Variants in DLG2 observed in about 807,000 individuals in gnomAD.
DLG2 encodes the protein disks large homolog 2.
A neutral mutation model predicts 132.5 loss-of-function variants in DLG2; 45 were observed. The ratio of observed to expected loss-of-function variants is 0.34; its 90% CI spans 0.27 to 0.44. The LOEUF (loss-of-function observed/expected upper bound fraction) is 0.44, where lower values mean the gene tolerates loss of function less well. DLG2 is among the 20% of genes least tolerant of loss of function. DLG2 has a pLI of 1.00. For missense variants in DLG2, 1,045 were observed against 1,196.9 expected (o/e 0.87, Z 1.87); for synonymous variants, 424 against 419.6 (o/e 1.01, Z -0.13).
chr11:85,409,737 C>T (rs760846063), intron 3 of DLG2, among the ~76,000 whole-genome samples: 6 of 151,778 alleles, frequency 4.0e-5, no homozygotes, highest in Non-Finnish European at 5.9e-5. Context: ...GGTTCTGACA[C>T]AGCTATTTGA....
chr11:84,516,893 C>A (rs1003405393), intron 7 of DLG2, among the ~76,000 whole-genome samples: 2 of 150,052 alleles, frequency 1.3e-5, no homozygotes, highest in African/African-American at 4.9e-5. Flanking sequence ...TGGTCTTGAT[C>A]ATGTACTTAT....
intron 7 of DLG2, among the ~76,000 whole-genome samples, chr11:84,385,962 G>A (rs555728075): frequency 7.8e-4 from 118 of 152,148 alleles, no homozygotes; most frequent in Non-Finnish European, 1.4e-3. Context: ...TAACCAATGC[G>A]TACCCCTAAG....
chr11:84,239,250 G>A (rs1483341127), intron 8 of DLG2, among the ~76,000 whole-genome samples: 1 of 151,130 alleles, frequency 6.6e-6, no homozygotes, highest in African/African-American at 2.4e-5. Flanking sequence ...GTGTGATCTC[G>A]GCTCACTGCA....
chr11:83,695,185 T>C (rs2081669995), intron 18 of DLG2, among the ~76,000 whole-genome samples: 1 of 152,226 alleles, frequency 6.6e-6, no homozygotes, highest in Non-Finnish European at 1.5e-5. Context: ...GGAAGCTATA[T>C]TTATTCCAGA....
chr11:84,173,539 C>CTTT, intron 8 of DLG2, among the ~76,000 whole-genome samples: 1 of 152,154 alleles, frequency 6.6e-6, no homozygotes, highest in African/African-American at 2.4e-5. Flanking sequence ...GAAATAAAAA[C>CTTT]TGGGTGCTAA....
At chr11:85,554,286 G>A (rs2076819674) in intron 3 of DLG2, among the ~76,000 whole-genome samples, 1 of 151,588 alleles carries the variant, frequency 6.6e-6, no homozygotes, top group Non-Finnish European at 1.5e-5. Context: ...AAAAATATTA[G>A]AGAAAATAAT....
intron 6 of DLG2, among the ~76,000 whole-genome samples, chr11:85,084,823 C>A (rs2067694988): frequency 1.3e-5 from 2 of 152,134 alleles, no homozygotes; most frequent in South Asian, 4.1e-4. Flanking sequence ...ATGCTTAGCA[C>A]ATAGTTGTAC....
chr11:85,152,878 T>C (rs2152456657), intron 5 of DLG2, among the ~76,000 whole-genome samples: 1 of 152,314 alleles, frequency 6.6e-6, no homozygotes, highest in East Asian at 1.9e-4. Context: ...GGTATTTACT[T>C]AGTCTCTTAA....
rs552131443 is a variant in DLG2 at position 83,503,354 on chromosome 11, C to T, written c.2194-19126G>A. Among the ~76,000 whole-genome samples, 522 of 90,862 alleles carry T rather than the reference C, an allele frequency of 5.7e-3. 4 individuals are homozygous for T. Among genetic ancestry groups the T allele is most frequent in the Admixed American group, 0.013 (103 of 7,982 alleles). 59.6% of individuals were successfully genotyped at this position (90,862 alleles called of 152,430 possible). On this transcript the variant is annotated intron_variant, in intron 21 of 27. Transcript: ENST00000376104. ...TAGGATATATATATTTATATATATA[C>T]ACACACACACCCATTTATATATATA...
intron 3 of DLG2, among the ~76,000 whole-genome samples, chr11:85,371,349 G>A (rs1046414562): frequency 5.9e-5 from 9 of 152,100 alleles, no homozygotes; most frequent in East Asian, 1.9e-4. Flanking sequence ...GACTATTTAC[G>A]GCCTTTAATA....
At position 85,487,750 on chromosome 11, in the gene DLG2, AT is replaced by A. The variant is rs2093462649; in HGVS notation, c.40+110906del. Among the ~76,000 whole-genome samples, 4 of 152,302 alleles carry A rather than the reference AT, an allele frequency of 2.6e-5. 1 individual carries two copies. The East Asian group carries it at 7.7e-4, about 29-fold the overall frequency. ...AGAGAGATCAAAAGACTTAGAAAAA[AT>A]AATAGATGAAAATTTCCCAAGTCTA... On this transcript the variant is annotated intron_variant, in intron 3 of 27. Transcript: ENST00000376104.
At chr11:84,185,200 C>T (rs12802237) in intron 8 of DLG2, among the ~76,000 whole-genome samples, 3 of 151,964 alleles carry the variant, frequency 2.0e-5, no homozygotes, top group Admixed American at 1.3e-4. Flanking sequence ...CTCCTATCCA[C>T]GAGCATGGAA....
chr11:83,913,363 TA>T (rs758835776), intron 15 of DLG2, among the ~76,000 whole-genome samples: 9 of 152,158 alleles, frequency 5.9e-5, no homozygotes, highest in African/African-American at 2.2e-4. Context: ...GATTTAAATA[TA>T]TTTTTTTTAT....
chr11:85,202,048 G>C (rs1370165794), intron 4 of DLG2, among the ~76,000 whole-genome samples: 2 of 150,860 alleles, frequency 1.3e-5, no homozygotes, highest in Non-Finnish European at 3.0e-5. Context: ...ATGAAATAAA[G>C]AAAGCTTATG....
intron 7 of DLG2, among the ~76,000 whole-genome samples, chr11:84,419,677 G>T (rs549536963): frequency 6.6e-6 from 1 of 152,294 alleles, no homozygotes; most frequent in South Asian, 2.1e-4. Context: ...GACCAGTGCA[G>T]ATTTGCAGGG....
intron 3 of DLG2, among the ~76,000 whole-genome samples, chr11:85,411,393 T>C (rs1719167376): frequency 6.6e-6 from 1 of 151,890 alleles, no homozygotes; most frequent in South Asian, 2.1e-4. Flanking sequence ...TTAAAGAACA[T>C]AGACATTATA....
intron 7 of DLG2, among the ~76,000 whole-genome samples, chr11:84,490,649 CAAAAAA>C (rs5793124): frequency 1.5e-5 from 1 of 68,940 alleles, no homozygotes. Flanking sequence ...CATATATGAG[CAAAAAA>C]AAAAAAAAAA....
chr11:83,496,764 T>A (rs927765938), intron 21 of DLG2, among the ~76,000 whole-genome samples: 4 of 152,154 alleles, frequency 2.6e-5, no homozygotes, highest in Admixed American at 6.6e-5. Context: ...ATCAAATCAG[T>A]GGAAGAGTTA....
chr11:84,431,983 G>A (rs1009861984), intron 7 of DLG2, among the ~76,000 whole-genome samples: 13 of 152,104 alleles, frequency 8.5e-5, no homozygotes, highest in African/African-American at 3.1e-4. Flanking sequence ...AGACAACTAT[G>A]TGTCAAGCAT....
Sources: allele counts gnomAD v4.1 joint callset (sites outside exome capture counted in the v4.1 genomes callset), GRCh38; gene constraint gnomAD v4.1.1; transcripts MANE v1.5; gene names NCBI Gene and HGNC (gene_info 2026-07-23, HGNC 2026-07-21).